The following EPHA6 variants were observed in gnomAD, a reference collection of about 807,000 sequenced individuals.
EPHA6 encodes ephrin type-A receptor 6.
A neutral mutation model predicts 112.0 loss-of-function variants in EPHA6; 50 were observed. The observed-to-expected ratio is 0.45, with a 90% CI of 0.36 to 0.56. EPHA6 has a LOEUF of 0.56. Ranked by LOEUF, EPHA6 falls within the 20% of genes least tolerant of loss-of-function variation. EPHA6 has a pLI of 0.00. For synonymous variants in EPHA6, 529 were observed against 490.7 expected, an observed-to-expected ratio of 1.08 and a Z score of -1.03; for missense variants, 1,280 against 1,417.4, an observed-to-expected ratio of 0.90 and a Z score of 1.56.
chr3:97,211,113 A>G (rs1011870529), intron 3 of EPHA6, among the ~76,000 whole-genome samples: 1 of 152,204 alleles, frequency 6.6e-6, no homozygotes, highest in East Asian at 1.9e-4. Context: ...CTATAGTCAC[A>G]AGCACACTGA....
At chr3:97,513,326 T>A (rs958790479) in intron 10 of EPHA6, among the ~76,000 whole-genome samples, 1 of 152,208 alleles carries the variant, frequency 6.6e-6, no homozygotes. Flanking sequence ...GAATTCAGTA[T>A]GTCAAAGAGA....
chr3:97,550,460 CTT>C (rs1315791720), intron 11 of EPHA6, among the ~76,000 whole-genome samples: 1 of 152,130 alleles, frequency 6.6e-6, no homozygotes, highest in Non-Finnish European at 1.5e-5. Context: ...AGTGGTGTCT[CTT>C]CGTCCAAACA....
intron 1 of EPHA6, among the ~76,000 whole-genome samples, chr3:96,866,044 A>G (rs1408160797): frequency 6.6e-6 from 1 of 152,048 alleles, no homozygotes; most frequent in Non-Finnish European, 1.5e-5. Flanking sequence ...ATAAAAAAAA[A>G]TCTTATCATA....
intron 3 of EPHA6, among the ~76,000 whole-genome samples, chr3:97,040,931 C>T (rs1393236351): frequency 6.6e-6 from 1 of 152,050 alleles, no homozygotes; most frequent in African/African-American, 2.4e-5. Context: ...GACCTATTTA[C>T]TCAAAAATTA....
intron 2 of EPHA6, among the ~76,000 whole-genome samples, chr3:96,939,272 C>A (rs1052032801): frequency 6.6e-6 from 1 of 152,122 alleles, no homozygotes; most frequent in Non-Finnish European, 1.5e-5. Flanking sequence ...TGATTATTGC[C>A]ACAATTTCAG....
intron 2 of EPHA6, among the ~76,000 whole-genome samples, chr3:96,950,925 C>G (rs1377152988): frequency 6.6e-6 from 1 of 151,806 alleles, no homozygotes; most frequent in African/African-American, 2.4e-5. Flanking sequence ...TAATTTTCTT[C>G]TCATTTAACC....
chr3:97,519,212 A>G (rs991403652), intron 10 of EPHA6, among the ~76,000 whole-genome samples: 21 of 152,120 alleles, frequency 1.4e-4, no homozygotes, highest in African/African-American at 4.6e-4. Flanking sequence ...TCTTCTGCAT[A>G]TGGATGTCCG....
intron 3 of EPHA6, among the ~76,000 whole-genome samples, chr3:97,151,922 C>T (rs949934309): frequency 2.0e-5 from 3 of 151,540 alleles, no homozygotes; most frequent in African/African-American, 7.3e-5. Context: ...TCATATTTAG[C>T]GTTTTTATTA....
chr3:97,414,878 A>G (rs1333253237), intron 6 of EPHA6, among the ~76,000 whole-genome samples: 1 of 152,028 alleles, frequency 6.6e-6, no homozygotes, highest in Non-Finnish European at 1.5e-5. Context: ...TGACCTCTCC[A>G]TTAAGAGACT....
At chr3:96,922,925 TAG>T (rs2039847211) in intron 2 of EPHA6, among the ~76,000 whole-genome samples, 3 of 152,168 alleles carry the variant, frequency 2.0e-5, no homozygotes, top group African/African-American at 7.2e-5. Context: ...GTTTGTGTGT[TAG>T]TTTGCTTCCA....
At chr3:97,011,985 T>C (rs1235300525) in intron 3 of EPHA6, among the ~76,000 whole-genome samples, 2 of 152,176 alleles carry the variant, frequency 1.3e-5, no homozygotes, top group African/African-American at 4.8e-5. Flanking sequence ...AAGAACATTA[T>C]TTCTTTCTCT....
chr3:96,887,858 A>G (rs1367105519), intron 2 of EPHA6, among the ~76,000 whole-genome samples: 2 of 151,970 alleles, frequency 1.3e-5, no homozygotes, highest in East Asian at 3.9e-4. Flanking sequence ...CATGCAGGTT[A>G]TCAGGGAAGT....
intron 2 of EPHA6, among the ~76,000 whole-genome samples, chr3:96,942,266 G>A (rs1456588895): frequency 6.6e-6 from 1 of 152,180 alleles, no homozygotes; most frequent in Non-Finnish European, 1.5e-5. Context: ...GCTCCACCCA[G>A]TTCCAGCTTC....
intron 10 of EPHA6, among the ~76,000 whole-genome samples, chr3:97,501,094 C>CA (rs2092105459): frequency 6.6e-6 from 1 of 151,998 alleles, no homozygotes; most frequent in African/African-American, 2.4e-5. Context: ...AGAACATATT[C>CA]AAAAAATGTA....
chr3:97,711,191 G>GCT (rs963700592), intron 14 of EPHA6, among the ~76,000 whole-genome samples: 4 of 152,116 alleles, frequency 2.6e-5, no homozygotes, highest in Non-Finnish European at 5.9e-5. Flanking sequence ...CCCTTCACAA[G>GCT]CTCTCTCTCT....
intron 3 of EPHA6, among the ~76,000 whole-genome samples, chr3:97,225,025 C>A (rs1192405554): frequency 6.6e-6 from 1 of 151,884 alleles, no homozygotes; most frequent in Admixed American, 6.6e-5. Context: ...CCGCGATCTC[C>A]GCTCACTGCA....
rs188933355 is a variant in EPHA6, at chr3:97,275,872, G to T, written c.1606+31585G>T. 1.4e-3 allele frequency among the ~76,000 whole-genome samples: 210 copies of T among 152,082 alleles called. 1 individual carries two copies. Among genetic ancestry groups the T allele is most frequent in the Non-Finnish European group, 2.6e-3 (179 of 67,988 alleles). ...GAGGATGCAAAGGAGGCTTTGAACT[G>T]GGGGGAAAGGTGGCAATGAGGTGTG... On this transcript the variant is annotated intron_variant, in intron 5 of 17. Transcript: ENST00000389672.
chr3:97,045,399 C>A (rs1214973738), intron 3 of EPHA6, among the ~76,000 whole-genome samples: 1 of 151,812 alleles, frequency 6.6e-6, no homozygotes, highest in African/African-American at 2.4e-5. Flanking sequence ...TAGCATAGAG[C>A]AAAAATCACG....
intron 3 of EPHA6, among the ~76,000 whole-genome samples, chr3:97,110,144 C>A (rs2047679842): frequency 6.6e-6 from 1 of 152,076 alleles, no homozygotes; most frequent in African/African-American, 2.4e-5. Context: ...CATTTTAACA[C>A]CATTCTGTGA....
Sources: gnomAD v4.1 joint callset for allele counts (sites outside exome capture counted in the v4.1 genomes callset) on GRCh38, gnomAD v4.1.1 for gene constraint, MANE v1.5 for transcripts, NCBI Gene and HGNC (gene_info 2026-07-23, HGNC 2026-07-21) for gene names.